MAGED1: variants seen among roughly 807,000 people sequenced by gnomAD.
MAGED1 encodes the protein melanoma-associated antigen D1.
In MAGED1, 3 loss-of-function variants were observed where a neutral mutation model predicts 54.1. The ratio of observed to expected loss-of-function variants is 0.06; its 90% CI spans 0.03 to 0.14. The LOEUF is 0.14. Ranked by LOEUF, MAGED1 falls within the 10% of genes least tolerant of loss-of-function variation. The probability of loss-of-function intolerance (pLI) is 1.00; values close to 1 mark genes in which losing one functional copy is unlikely to be tolerated. For missense variants in MAGED1, 485 were observed against 623.4 expected, an observed-to-expected ratio of 0.78 and a Z score of 2.36; for synonymous variants, 217 against 227.3, an observed-to-expected ratio of 0.95 and a Z score of 0.41.
chrX:51,807,014 C>G (rs191295431), intron 1 of MAGED1, among the ~76,000 whole-genome samples: 25 of 111,127 alleles, frequency 2.2e-4, no homozygotes, highest in African/African-American at 7.8e-4. Context: ...GTCTCGAACT[C>G]CTGACCTCGT....
chrX:51,886,481 A>T (rs1336698887), intron 1 of MAGED1, among the ~76,000 whole-genome samples: 1 of 111,202 alleles, frequency 9.0e-6, no homozygotes. Flanking sequence ...AAATCTAAGC[A>T]TGCTTCTTAA....
Position 51,898,144 on chromosome X carries a change from C to G in MAGED1, c.1689C>G (p.Leu563=). 8.3e-7 allele frequency: 1 copy of G among 1,211,390 alleles called. No homozygotes were observed. Among genetic ancestry groups the G allele is most frequent in the Non-Finnish European group, 1.1e-6 (1 of 895,127 alleles). ...TTKDTPKLGL[L]LVILGVIFMN... ...AAGACACACCCAAGCTCGGTCTCCTCTTGGTGATTCTGGGTGTCATCTTCA... is the reference window on the plus strand; with the variant it reads ...AAGACACACCCAAGCTCGGTCTCCTGTTGGTGATTCTGGGTGTCATCTTCA... Residue 563 remains leucine, a synonymous_variant, in exon 8 of 13, where the codon CTC becomes CTG. Transcript: ENST00000326587.
chrX:51,824,793 CGT>C (rs1256220777), intron 1 of MAGED1, among the ~76,000 whole-genome samples: 3 of 56,774 alleles, frequency 5.3e-5, no homozygotes, highest in Non-Finnish European at 9.5e-5. Context: ...CATATATATA[CGT>C]ATATATACGT....
At chrX:51,845,775 T>G (rs1926665040) in intron 1 of MAGED1, among the ~76,000 whole-genome samples, 1 of 110,719 alleles carries the variant, frequency 9.0e-6, no homozygotes. Flanking sequence ...ATGTGAATGT[T>G]TTGTTTTGTT....
intron 1 of MAGED1, among the ~76,000 whole-genome samples, chrX:51,874,927 A>G: frequency 9.0e-6 from 1 of 110,576 alleles, no homozygotes; most frequent in Non-Finnish European, 1.9e-5. Context: ...TATTCCTACA[A>G]AGCTACCTGA....
intron 1 of MAGED1, among the ~76,000 whole-genome samples, chrX:51,837,667 A>G (rs1183610732): frequency 8.9e-6 from 1 of 112,159 alleles, no homozygotes; most frequent in Non-Finnish European, 1.9e-5. Flanking sequence ...GTACTTACCT[A>G]TATTAACGCA....
At chrX:51,841,962 A>G (rs191421071) in intron 1 of MAGED1, among the ~76,000 whole-genome samples, 14 of 111,956 alleles carry the variant, frequency 1.3e-4, no homozygotes, top group Non-Finnish European at 2.6e-4. Flanking sequence ...GTTTTTTCCA[A>G]TTCTGTGAAG....
At chrX:51,857,409 T>C (rs985806969) in intron 1 of MAGED1, 1 of 111,496 alleles carries the variant, frequency 9.0e-6, no homozygotes, top group African/African-American at 3.3e-5. Flanking sequence ...AGAGAATTCA[T>C]AGTGGAGAAC....
At chrX:51,854,053 GGAA>G (rs1926991113) in intron 1 of MAGED1, among the ~76,000 whole-genome samples, 1 of 111,590 alleles carries the variant, frequency 9.0e-6, no homozygotes, top group African/African-American at 3.3e-5. Flanking sequence ...CTTTCTTTTA[GGAA>G]GCAGGTAAAT....
intron 1 of MAGED1, among the ~76,000 whole-genome samples, chrX:51,848,986 A>G (rs1487797955): frequency 1.0e-5 from 1 of 96,840 alleles, no homozygotes; most frequent in Non-Finnish European, 2.0e-5. Context: ...CCTTACCTTG[A>G]TGTCATAAAG....
upstream of MAGED1, among the ~76,000 whole-genome samples, chrX:51,888,586 C>G (rs1270355393): frequency 8.9e-6 from 1 of 112,052 alleles, no homozygotes; most frequent in South Asian, 3.7e-4. Context: ...CATGCACTTA[C>G]TATATACCCC....
intron 1 of MAGED1, among the ~76,000 whole-genome samples, chrX:51,864,182 G>GAA (rs1557360913): frequency 4.7e-4 from 45 of 96,236 alleles, no homozygotes; most frequent in Non-Finnish European, 6.6e-4. Context: ...GAGAGAGAGA[G>GAA]AGAGAGAGTG....
chrX:51,859,504 G>C (rs1295454543), intron 1 of MAGED1, among the ~76,000 whole-genome samples: 1 of 111,935 alleles, frequency 8.9e-6, no homozygotes, highest in African/African-American at 3.3e-5. Flanking sequence ...AATGTGAATG[G>C]TATTCTGCAG....
At chrX:51,868,896 A>C (rs1219619678) in intron 1 of MAGED1, among the ~76,000 whole-genome samples, 10 of 112,050 alleles carry the variant, frequency 8.9e-5, no homozygotes, top group Non-Finnish European at 1.7e-4. Flanking sequence ...TACAGTGAGC[A>C]TGGGTAATCA....
intron 1 of MAGED1, among the ~76,000 whole-genome samples, chrX:51,859,569 C>T (rs1254740987): frequency 1.8e-5 from 2 of 111,648 alleles, no homozygotes; most frequent in African/African-American, 3.3e-5. Flanking sequence ...AATAAATGGC[C>T]CCCCAAAACT....
intron 1 of MAGED1, among the ~76,000 whole-genome samples, chrX:51,853,636 T>A (rs1926975617): frequency 8.9e-6 from 1 of 112,501 alleles, no homozygotes; most frequent in Admixed American, 9.4e-5. Context: ...CACTGCTCTA[T>A]TTACCTCTAG....
chrX:51,894,207 C>A, intron 1 of MAGED1, 62 bp from the exon 2 acceptor site: 1 of 634,914 alleles, frequency 1.6e-6, no homozygotes, highest in Non-Finnish European at 2.6e-6. Context: ...CAGTCACCCC[C>A]CTCCCAATTA....
At chrX:51,870,793 G>A (rs1927643083) in intron 1 of MAGED1, 1 of 112,614 alleles carries the variant, frequency 8.9e-6, no homozygotes, top group African/African-American at 3.2e-5. Context: ...TAGTGTTTGT[G>A]CTGCCAAAGC....
chrX:51,850,578 T>C (rs1335670194), intron 1 of MAGED1, among the ~76,000 whole-genome samples: 1 of 111,636 alleles, frequency 9.0e-6, no homozygotes, highest in African/African-American at 3.3e-5. Context: ...GTTTCAGTAT[T>C]GAGGTACATG....
Sources: gnomAD v4.1 joint callset for allele counts (sites outside exome capture counted in the v4.1 genomes callset) on GRCh38, gnomAD v4.1.1 for gene constraint, MANE v1.5 for transcripts, NCBI Gene and HGNC (gene_info 2026-07-23, HGNC 2026-07-21) for gene names.